ZFX: variants seen among roughly 807,000 people sequenced by gnomAD.
ZFX encodes zinc finger X-chromosomal protein.
For missense variants in ZFX, 362 were observed against 628.3 expected, an observed-to-expected ratio of 0.58 and a Z score of 4.53; for synonymous variants, 196 against 226.8, an observed-to-expected ratio of 0.86 and a Z score of 1.22.
chrX:24,161,880 A>G (rs1327038318), intron 3 of ZFX: 1 of 106,144 alleles, frequency 9.4e-6, no homozygotes, highest in Non-Finnish European at 1.9e-5. Context: ...TTGTATTTTT[A>G]GTAGAGACGG....
chrX:24,200,544 A>C (rs932700017), intron 5 of ZFX, among the ~76,000 whole-genome samples: 1 of 112,414 alleles, frequency 8.9e-6, no homozygotes, highest in Non-Finnish European at 1.9e-5. Flanking sequence ...TTAAATTCTA[A>C]TGTTGTACCT....
intron 5 of ZFX, among the ~76,000 whole-genome samples, chrX:24,206,815 T>A (rs1163105121): frequency 1.8e-5 from 2 of 111,263 alleles, no homozygotes; most frequent in African/African-American, 6.5e-5. Flanking sequence ...GTTTTCTCTA[T>A]GTATAGTATT....
Position 24,184,658 on chromosome X carries a change from A to G in ZFX, c.646+4888A>G, listed in dbSNP as rs967077027. On this transcript the variant is annotated intron_variant, in intron 5 of 9. Coordinates refer to ENST00000304543, the MANE Select transcript of ZFX (RefSeq NM_003410.4). ...AGGCCCTGGGTTTCTTCTAATTTAT[A>G]TAGATTTTAATGTTCCTGAAAAAGT... is the stretch of plus-strand genomic sequence containing the variant. 4.5e-5 allele frequency among the ~76,000 whole-genome samples: 5 copies of G among 111,023 alleles called. No homozygotes were observed. The East Asian group carries it at 1.4e-3, about 31-fold the overall frequency.
intron 3 of ZFX, among the ~76,000 whole-genome samples, chrX:24,153,393 A>T (rs1027893760): frequency 9.0e-6 from 1 of 110,985 alleles, no homozygotes; most frequent in Non-Finnish European, 1.9e-5. Context: ...TTGCTGTCTC[A>T]CAAGCCCCAC....
At chrX:24,151,995 T>C (rs777076434) in intron 2 of ZFX, among the ~76,000 whole-genome samples, 195 bp downstream of exon 2, 2 of 112,074 alleles carry the variant, frequency 1.8e-5, no homozygotes, top group South Asian at 7.4e-4. Context: ...TCATCCGAAA[T>C]AATCTTTTGC....
chrX:24,151,938 G>A (rs1225390945), intron 2 of ZFX, 138 bp downstream of exon 2: 3 of 111,833 alleles, frequency 2.7e-5, no homozygotes, highest in Non-Finnish European at 5.6e-5. Context: ...CTTTTGGAAC[G>A]ATGCGTCTCT....
In ZFX at chrX:24,213,346, C is replaced by T. The variant is rs1412132471; in HGVS notation, c.*1970C>T. On this transcript the variant is annotated 3_prime_UTR_variant, in exon 10 of 10. Coordinates refer to ENST00000304543, the MANE Select transcript of ZFX (RefSeq NM_003410.4). ...TGGCTATTGGTCCGTATGCATCTAG[C>T]ACATTGTAGGAGATTTAGAAATTGT... The T allele has an allele frequency of 3.6e-5, 4 of 112,306 alleles. No individual in the cohort carries two copies. The highest frequency in any genetic ancestry group is 7.5e-5 in the Non-Finnish European group (4 of 53,215). 9.3% of individuals were successfully genotyped at this position (112,306 alleles called of 1,213,427 possible). A position where few individuals can be genotyped will look rare whatever the true frequency, so the allele number is the denominator to read the frequency against.
chrX:24,165,448 T>C (rs950701753), intron 3 of ZFX, among the ~76,000 whole-genome samples: 2 of 112,684 alleles, frequency 1.8e-5, no homozygotes, highest in Middle Eastern at 4.2e-3. Context: ...AGGAGACATA[T>C]TGCTCATTGA....
chrX:24,208,795 C>G (rs1937817149), intron 8 of ZFX, 105 bp from the exon 9 acceptor site: 1 of 852,684 alleles, frequency 1.2e-6, no homozygotes, highest in African/African-American at 2.1e-5. Context: ...TTCTGTCATT[C>G]ATGAGTATCA....
At chrX:24,198,533 A>ACTTGAAGATTACTTAATG (rs1937078137) in intron 5 of ZFX, among the ~76,000 whole-genome samples, 1 of 109,501 alleles carries the variant, frequency 9.1e-6, no homozygotes, top group Non-Finnish European at 1.9e-5. Context: ...TTAATGACCA[A>ACTTGAAGATTACTTAATG]ACATTTACTT....
chrX:24,178,578 C>G (rs931077390), intron 4 of ZFX, among the ~76,000 whole-genome samples: 1 of 100,358 alleles, frequency 1.0e-5, no homozygotes, highest in Non-Finnish European at 2.0e-5. Flanking sequence ...ACTGAGCCAG[C>G]GCGCCTGGCC....
rs755809582 is a variant in ZFX at position 24,211,196 on chromosome X, G to A, written c.2238G>A (p.Val746=). 6.6e-6 allele frequency: 8 copies of A among 1,212,322 alleles called. No homozygotes were observed. In the Admixed American group the frequency reaches 1.3e-4, roughly 20 times the overall value. Residue 746 remains valine, a synonymous_variant, in exon 10 of 10, where the codon GTG becomes GTA. Transcript: ENST00000304543. ...KHMKTHSGRK[V]YQCEYCEYST... Reference sequence around the variant, plus strand: ...TGAAGACACACAGTGGCAGGAAAGTGTATCAGTGTGAGTACTGTGAGTATA... The same window carrying A: ...TGAAGACACACAGTGGCAGGAAAGTATATCAGTGTGAGTACTGTGAGTATA...
intron 6 of ZFX, 24 bp downstream of exon 6, chrX:24,207,499 A>T: frequency 8.4e-7 from 1 of 1,193,746 alleles, no homozygotes; most frequent in African/African-American, 1.8e-5. Flanking sequence ...TTTAGACATT[A>T]TACATCCTCA....
chrX:24,156,233 A>G lies in ZFX; in HGVS notation c.-29+3403A>G, dbSNP rs1355297120. Among the ~76,000 whole-genome samples, 3 of 111,727 alleles carry G rather than the reference A, an allele frequency of 2.7e-5. No homozygotes were observed. The East Asian group carries it at 8.3e-4, about 31-fold the overall frequency. ...TTTATATTCTGGATACTAATTTGTG[A>G]TTATATACACTGAAAATATCTTTTC... On this transcript the variant is annotated intron_variant, in intron 3 of 9. Transcript: ENST00000304543.
intron 5 of ZFX, among the ~76,000 whole-genome samples, chrX:24,183,689 C>T (rs1042479236): frequency 5.4e-5 from 6 of 110,099 alleles, no homozygotes; most frequent in African/African-American, 2.0e-4. Flanking sequence ...TATAAAATTA[C>T]CTTCAGGCTA....
intron 3 of ZFX, among the ~76,000 whole-genome samples, chrX:24,164,803 G>A (rs1396837268): frequency 9.1e-6 from 1 of 109,687 alleles, no homozygotes; most frequent in African/African-American, 3.3e-5. Context: ...CAGGCGTGGT[G>A]GTGCATGCCT....
chrX:24,193,764 G>T (rs1936702146), intron 5 of ZFX, among the ~76,000 whole-genome samples: 1 of 111,589 alleles, frequency 9.0e-6, no homozygotes, highest in Non-Finnish European at 1.9e-5. Flanking sequence ...TGGAATTGTG[G>T]CAAAAGCTTT....
At chrX:24,162,055 GAA>G (rs202137665) in intron 3 of ZFX, among the ~76,000 whole-genome samples, 970 of 82,332 alleles carry the variant, frequency 0.012, 11 homozygotes, top group African/African-American at 0.039. Context: ...GTCTAAAAAG[GAA>G]AAAAAAAAAA....
Position 24,170,122 on chromosome X carries a change from T to G in ZFX, c.-28-2593T>G, listed in dbSNP as rs190640743. On this transcript the variant is annotated intron_variant, in intron 3 of 9. Coordinates refer to ENST00000304543, the MANE Select transcript of ZFX (RefSeq NM_003410.4). ...CCCTTTATTGCCTTCTTAATTGGCT[T>G]GCTTTAATGTCATAGTGTTTCATAA... 4.4e-4 allele frequency among the ~76,000 whole-genome samples: 48 copies of G among 109,295 alleles called. No homozygotes were observed. The East Asian group carries it at 0.012, about 28-fold the overall frequency. 94.9% of individuals were successfully genotyped at this position (109,295 alleles called of 115,157 possible). A position where few individuals can be genotyped will look rare whatever the true frequency, so the allele number is the denominator to read the frequency against.
Sources: gnomAD v4.1 joint callset for allele counts (sites outside exome capture counted in the v4.1 genomes callset) on GRCh38, gnomAD v4.1.1 for gene constraint, MANE v1.5 for transcripts, NCBI Gene and HGNC (gene_info 2026-07-23, HGNC 2026-07-21) for gene names.